The following PPP2R5D variants were observed in gnomAD, a reference collection of about 807,000 sequenced individuals.
PPP2R5D encodes protein phosphatase 2 regulatory subunit B'delta.
A neutral mutation model predicts 79.1 loss-of-function variants in PPP2R5D; 12 were observed. That is an observed-to-expected ratio of 0.15 (90% CI 0.10 to 0.25). The LOEUF is 0.25. PPP2R5D is among the 10% of genes least tolerant of loss of function. The probability of loss-of-function intolerance (pLI) is 1.00; values close to 1 mark genes in which losing one functional copy is unlikely to be tolerated. For missense variants in PPP2R5D, 419 were observed against 760.2 expected (o/e 0.55, Z 5.28); for synonymous variants, 277 against 286.6 (o/e 0.97, Z 0.34).
rs535641833 is a variant in PPP2R5D at position 43,012,129 on chromosome 6, A to G, written c.*843A>G. On this transcript the variant is annotated 3_prime_UTR_variant, in exon 16 of 16. Coordinates refer to ENST00000485511, the MANE Select transcript of PPP2R5D (RefSeq NM_006245.4). ...ACCTATTTATTTCCTTGTTTGTGCT[A>G]TGCTGGGCAGGCCTTCTCTTGTCCC... 4 of 866,580 alleles carry G rather than the reference A, an allele frequency of 4.6e-6. No homozygotes were observed. The East Asian group carries it at 2.8e-4, about 60-fold the overall frequency. The allele number at this position is 866,580 out of a possible 1,614,324, so 53.7% of individuals were successfully genotyped here.
At chr6:42,988,326 A>G (rs1264379969) in intron 1 of PPP2R5D, among the ~76,000 whole-genome samples, 2 of 152,230 alleles carry the variant, frequency 1.3e-5, no homozygotes. Context: ...CATGCCTTAC[A>G]GGAGGTCACC....
intron 2 of PPP2R5D, among the ~76,000 whole-genome samples, chr6:43,000,451 C>T (rs1289424898): frequency 6.6e-6 from 1 of 151,916 alleles, no homozygotes; most frequent in Non-Finnish European, 1.5e-5. Flanking sequence ...CCATGTTGGT[C>T]AGGCTGGTCT....
chr6:43,003,029 C>A lies in PPP2R5D; in HGVS notation c.106-3434C>A, dbSNP rs1761846589. On this transcript the variant is annotated intron_variant, in intron 2 of 15. Transcript: ENST00000485511. Reference sequence around the variant, plus strand: ...GGGCTGCCTGGACAGTCCAGGAGTACCTGTGGGCAGACAGCCCTGCAAATA... The same window carrying A: ...GGGCTGCCTGGACAGTCCAGGAGTAACTGTGGGCAGACAGCCCTGCAAATA... Among the ~76,000 whole-genome samples the A allele has an allele frequency of 3.3e-5, 5 of 152,150 alleles. No homozygotes were observed. In the South Asian group the frequency reaches 1.0e-3, roughly 32 times the overall value.
At chr6:42,991,566 T>C (rs1771266406) in intron 2 of PPP2R5D, among the ~76,000 whole-genome samples, 1 of 152,204 alleles carries the variant, frequency 6.6e-6, no homozygotes, top group Non-Finnish European at 1.5e-5. Flanking sequence ...TTTTATCGGC[T>C]GTCTCTTGTG....
intron 1 of PPP2R5D, among the ~76,000 whole-genome samples, chr6:42,988,419 A>G (rs1269002256): frequency 6.6e-6 from 1 of 152,166 alleles, no homozygotes; most frequent in Non-Finnish European, 1.5e-5. Context: ...GCTCCATGAT[A>G]AAATTCTTCC....
chr6:42,991,280 A>G (rs1771247272), intron 2 of PPP2R5D, among the ~76,000 whole-genome samples: 1 of 152,218 alleles, frequency 6.6e-6, no homozygotes, highest in Admixed American at 6.5e-5. Flanking sequence ...TGGTAACTTG[A>G]CATTTAGAGC....
chr6:43,007,652 A>G lies in PPP2R5D; in HGVS notation c.726+146A>G. On this transcript the variant is annotated intron_variant, in intron 6 of 15. Transcript: ENST00000485511. This position sits in a 1 kb window ranked among gnomAD's most constrained non-coding sequence, Gnocchi z 4.5. ...GAGGCTATAAAGGGTAAAAAACAAA[A>G]CAAAACAAAACCCTACTCTGGCCTT... The G allele has an allele frequency of 1.1e-6, 1 of 907,170 alleles. No homozygotes were observed. Among genetic ancestry groups the G allele is most frequent in the Non-Finnish European group, 1.7e-6 (1 of 596,696 alleles). The allele number at this position is 907,170 out of a possible 1,614,324, so 56.2% of individuals were successfully genotyped here.
At position 43,006,549 on chromosome 6, in the gene PPP2R5D, G is replaced by A. The variant is rs765929202; in HGVS notation, c.192G>A (p.Pro64=). The A allele has an allele frequency of 3.2e-5, 51 of 1,613,638 alleles. No individual in the cohort carries two copies. Among genetic ancestry groups the A allele is most frequent in the African/African-American group, 9.4e-5 (7 of 74,866 alleles). ...SSNKRPSNST[P]PPTQLSKIKY... ...ACAAGCGTCCCAGCAATAGCACGCCGCCCCCCACGCAGCTCAGCAAAATCA... is the reference window on the plus strand; with the variant it reads ...ACAAGCGTCCCAGCAATAGCACGCCACCCCCCACGCAGCTCAGCAAAATCA... The change falls in exon 3 of 16, where the codon CCG becomes CCA. Residue 64 remains proline (P), a synonymous_variant. Transcript: ENST00000485511. The surrounding 1 kb of genome is among the most constrained non-coding windows in gnomAD (Gnocchi z 4.7).
chr6:42,994,025 A>C (rs1771458389), intron 2 of PPP2R5D, among the ~76,000 whole-genome samples: 1 of 152,160 alleles, frequency 6.6e-6, no homozygotes, highest in Non-Finnish European at 1.5e-5. Flanking sequence ...TAGAAATGTT[A>C]ACTGGGCACA....
In PPP2R5D at chr6:43,000,236, C is replaced by CTTTTTTTTTTTTTTTTTTTTTTTTTT. The variant is rs1204045076; in HGVS notation, c.106-6208_106-6207insTTTTTTTTTTTTTTTTTTTTTTTTTT. Among the ~76,000 whole-genome samples the CTTTTTTTTTTTTTTTTTTTTTTTTTT allele has an allele frequency of 6.6e-5, 7 of 106,022 alleles. 1 individual carries two copies. The highest frequency in any genetic ancestry group is 3.0e-4 in the African/African-American group (6 of 20,296). 69.6% of individuals were successfully genotyped at this position (106,022 alleles called of 152,430 possible). ...GGCGTGAGCCACCACGTCTGGCCAC[C>CTTTTTTTTTTTTTTTTTTTTTTTTTT]TTTTTTTTTTTTTTTTTTTGAGATA... is the stretch of plus-strand genomic sequence containing the variant. On this transcript the variant is annotated intron_variant, in intron 2 of 15. Coordinates refer to ENST00000485511, the MANE Select transcript of PPP2R5D (RefSeq NM_006245.4).
At chr6:42,987,391 C>T (rs1320982314) in intron 1 of PPP2R5D, among the ~76,000 whole-genome samples, 1 of 152,134 alleles carries the variant, frequency 6.6e-6, no homozygotes, top group East Asian at 1.9e-4. Flanking sequence ...TAGGGTGCCC[C>T]TGCCCCCTCC....
intron 2 of PPP2R5D, among the ~76,000 whole-genome samples, chr6:42,990,792 C>T (rs1771209565): frequency 7.0e-6 from 1 of 143,646 alleles, no homozygotes. Context: ...TCACTGCAAC[C>T]TCCACCTCCC....
chr6:42,990,016 A>G (rs1311710060), intron 2 of PPP2R5D, among the ~76,000 whole-genome samples: 3 of 152,132 alleles, frequency 2.0e-5, no homozygotes, highest in Non-Finnish European at 4.4e-5. Context: ...AAAAGTCCAC[A>G]GACACTTGAT....
At chr6:42,996,079 C>T (rs1268914531) in intron 2 of PPP2R5D, among the ~76,000 whole-genome samples, 3 of 143,488 alleles carry the variant, frequency 2.1e-5, no homozygotes, top group East Asian at 2.1e-4. Flanking sequence ...CACTTGACCT[C>T]GTGATCCGCC....
At chr6:43,005,732 C>T (rs1052884043) in intron 2 of PPP2R5D, among the ~76,000 whole-genome samples, 17 of 152,206 alleles carry the variant, frequency 1.1e-4, no homozygotes, top group African/African-American at 1.7e-4. Flanking sequence ...AGCGATTCTC[C>T]TGCCTCAGCC....
intron 1 of PPP2R5D, among the ~76,000 whole-genome samples, chr6:42,988,685 T>A (rs1441703088): frequency 6.6e-6 from 1 of 152,342 alleles, no homozygotes; most frequent in Admixed American, 6.5e-5. Context: ...GGATTTGTCA[T>A]GGCCCCTCCC....
At chr6:42,993,107 A>G (rs1187113245) in intron 2 of PPP2R5D, among the ~76,000 whole-genome samples, 1 of 151,890 alleles carries the variant, frequency 6.6e-6, no homozygotes, top group Non-Finnish European at 1.5e-5. Flanking sequence ...GACCAGCCTG[A>G]CCAACATAGT....
intron 2 of PPP2R5D, among the ~76,000 whole-genome samples, chr6:42,998,091 T>C (rs1771922661): frequency 1.0e-5 from 1 of 96,928 alleles, no homozygotes; most frequent in Non-Finnish European, 2.0e-5. Context: ...TTTTTTTTTT[T>C]TGAGACGGAG....
chr6:43,009,668 G>A lies in PPP2R5D; in HGVS notation c.1379+219G>A, dbSNP rs748059830. Among the ~76,000 whole-genome samples the A allele has an allele frequency of 6.6e-6, 1 of 152,190 alleles. No homozygotes were observed. The highest frequency in any genetic ancestry group is 1.5e-5 in the Non-Finnish European group (1 of 68,030). ...CAGCAGGGCAGCGGCCTGTTACACC[G>A]CTCCTTGGGTTCAGCTATTCTACAG... On this transcript the variant is annotated intron_variant, in intron 12 of 15. Coordinates refer to ENST00000485511, the MANE Select transcript of PPP2R5D (RefSeq NM_006245.4). This position sits in a 1 kb window ranked among gnomAD's most constrained non-coding sequence, Gnocchi z 5.6.
Sources: gnomAD v4.1 joint callset for allele counts (sites outside exome capture counted in the v4.1 genomes callset) on GRCh38, gnomAD v4.1.1 for gene constraint, Gnocchi (gnomAD v3.1) non-coding constraint, MANE v1.5 for transcripts, NCBI Gene and HGNC (gene_info 2026-07-23, HGNC 2026-07-21) for gene names.